PRICKLE2: variants seen among roughly 807,000 people sequenced by gnomAD.
PRICKLE2 encodes prickle-like protein 2.
PRICKLE2 carries 21 observed loss-of-function variants against 81.4 expected under a neutral mutation model. The ratio of observed to expected loss-of-function variants is 0.26; its 90% CI spans 0.18 to 0.37. PRICKLE2 has a LOEUF of 0.37. Ranked by LOEUF, PRICKLE2 falls within the 10% of genes least tolerant of loss-of-function variation. PRICKLE2 has a pLI of 1.00. For synonymous variants in PRICKLE2, 456 were observed against 421.5 expected, an observed-to-expected ratio of 1.08 and a Z score of -1.00; for missense variants, 940 against 1,109.0, an observed-to-expected ratio of 0.85 and a Z score of 2.16.
chr3:64,166,106 A>C (rs1186331232), intron 2 of PRICKLE2, among the ~76,000 whole-genome samples: 1 of 151,914 alleles, frequency 6.6e-6, no homozygotes, highest in Non-Finnish European at 1.5e-5. Context: ...TGATTGTACC[A>C]AGTTTCTGTT....
intron 2 of PRICKLE2, among the ~76,000 whole-genome samples, chr3:64,172,415 G>A (rs1044794005): frequency 6.6e-6 from 1 of 152,220 alleles, no homozygotes; most frequent in Non-Finnish European, 1.5e-5. Context: ...TCTTATAGGG[G>A]TAACTTGTTT....
intron 7 of PRICKLE2, chr3:64,106,201 T>C (rs191850869): frequency 6.6e-6 from 1 of 152,320 alleles, no homozygotes; most frequent in Admixed American, 6.5e-5. Context: ...TCCCTTTCAG[T>C]AGGGTCTTTC....
intron 2 of PRICKLE2, among the ~76,000 whole-genome samples, chr3:64,171,474 G>A (rs753539204): frequency 1.3e-5 from 2 of 152,176 alleles, no homozygotes; most frequent in Non-Finnish European, 2.9e-5. Context: ...CTCTTCATCT[G>A]CTTTTTGTCA....
intron 4 of PRICKLE2, 24 bp from the exon 5 acceptor site, chr3:64,157,389 G>C: frequency 6.2e-7 from 1 of 1,608,454 alleles, no homozygotes; most frequent in African/African-American, 1.3e-5. Context: ...AGAAACATCA[G>C]TAGTCACACT....
chr3:64,218,150 T>C (rs696027), intron 1 of PRICKLE2, among the ~76,000 whole-genome samples: 92,176 of 152,000 alleles, frequency 0.61, 31,002 homozygotes, highest in East Asian at 0.9. Context: ...CCAGAACCCC[T>C]CATTCCCCAG....
At chr3:64,108,725 T>C (rs1022722115) in intron 7 of PRICKLE2, among the ~76,000 whole-genome samples, 1 of 152,140 alleles carries the variant, frequency 6.6e-6, no homozygotes, top group African/African-American at 2.4e-5. Flanking sequence ...ACCAAGATGA[T>C]GGGAGTTTCA....
intron 7 of PRICKLE2, chr3:64,105,942 T>C (rs2076748306): frequency 1.3e-5 from 2 of 152,234 alleles, no homozygotes; most frequent in South Asian, 2.1e-4. Context: ...AAAATATATC[T>C]TTCCTTTTTA....
chr3:64,217,989 GC>G (rs1348733953), intron 1 of PRICKLE2, among the ~76,000 whole-genome samples: 7 of 152,294 alleles, frequency 4.6e-5, no homozygotes, highest in Admixed American at 3.9e-4. Context: ...CTGCATGGCT[GC>G]CACAGCCTGA....
chr3:64,149,694 A>G (rs377202978), intron 6 of PRICKLE2, among the ~76,000 whole-genome samples: 1 of 152,314 alleles, frequency 6.6e-6, no homozygotes, highest in Non-Finnish European at 1.5e-5. Context: ...GAAATTAGGG[A>G]GAAGAAGAGA....
chr3:64,253,354 T>A (rs1021159748), intron 2 of PRICKLE2, among the ~76,000 whole-genome samples: 17 of 152,182 alleles, frequency 1.1e-4, no homozygotes, highest in African/African-American at 4.1e-4. Flanking sequence ...CCTGAGTTCT[T>A]GTTCAAAAGT....
At position 64,153,189 on chromosome 3, in the gene PRICKLE2, T is replaced by C. The variant is rs2077574444; in HGVS notation, c.780A>G (p.Gln260=). The C allele has an allele frequency of 1.2e-6, 2 of 1,614,136 alleles. No homozygotes were observed. The part of the protein sequence containing the change: ...LYAEYCDTCA[Q]HIGIDQGQMT... ...TGCCAAATATTGCCTCACCTATATG[T>C]TGGGCACAGGTGTCACAATATTCTG... Residue 260 remains glutamine (Q), a synonymous_variant, in exon 6 of 8, where the codon CAA becomes CAG. Transcript: ENST00000638394.
intron 1 of PRICKLE2, among the ~76,000 whole-genome samples, chr3:64,208,110 A>G (rs1218443020): frequency 6.6e-6 from 1 of 152,184 alleles, no homozygotes; most frequent in African/African-American, 2.4e-5. Context: ...TTAGGAGGGA[A>G]TTAGGTGTCT....
chr3:64,141,894 G>A (rs2077367804), intron 7 of PRICKLE2: 1 of 984,640 alleles, frequency 1.0e-6, no homozygotes, highest in African/African-American at 1.7e-5. Context: ...TTTATCTGAA[G>A]GATCAAGGTG....
At chr3:64,161,984 T>A (rs1479308601) in intron 3 of PRICKLE2, among the ~76,000 whole-genome samples, 1 of 152,180 alleles carries the variant, frequency 6.6e-6, no homozygotes, top group East Asian at 1.9e-4. Flanking sequence ...GTAAAGAGGA[T>A]CATAGCTCTC....
chr3:64,140,190 AT>A (rs2077339196), intron 7 of PRICKLE2, among the ~76,000 whole-genome samples: 1 of 152,168 alleles, frequency 6.6e-6, no homozygotes, highest in African/African-American at 2.4e-5. Flanking sequence ...CATTTCAAAG[AT>A]GAGGATAGTG....
At chr3:64,234,362 T>C (rs1003674185) in intron 2 of PRICKLE2, among the ~76,000 whole-genome samples, 19 of 152,348 alleles carry the variant, frequency 1.2e-4, no homozygotes, top group African/African-American at 4.1e-4. Flanking sequence ...CTAGTGGGTA[T>C]GAAGTAATAC....
intron 1 of PRICKLE2, among the ~76,000 whole-genome samples, chr3:64,211,754 G>T (rs1365482829): frequency 6.6e-6 from 1 of 152,218 alleles, no homozygotes; most frequent in Admixed American, 6.5e-5. Context: ...TCATTAATGT[G>T]TTAGCCACTG....
intron 7 of PRICKLE2, among the ~76,000 whole-genome samples, chr3:64,124,478 A>G (rs186929181): frequency 6.6e-6 from 1 of 152,350 alleles, no homozygotes; most frequent in East Asian, 1.9e-4. Flanking sequence ...ACCATCTAGT[A>G]CCTTACTAGC....
rs2107154192 is a variant in PRICKLE2, at chr3:64,225,171, C to T, written c.-302G>A. ...ATCCAGACTCTGCTGGGGAATTCAC[C>T]AAGCAAGAGAAAAAAAGTATGACTT... On this transcript the variant is annotated 5_prime_UTR_variant, in exon 1 of 8. Transcript: ENST00000638394. The T allele has an allele frequency of 1.0e-6, 1 of 985,358 alleles. No individual in the cohort carries two copies. Among genetic ancestry groups the T allele is most frequent in the East Asian group, 1.1e-4 (1 of 8,794 alleles). The allele number at this position is 985,358 out of a possible 1,614,324, so 61.0% of individuals were successfully genotyped here.
Sources: gnomAD v4.1 joint callset for allele counts (sites outside exome capture counted in the v4.1 genomes callset) on GRCh38, gnomAD v4.1.1 for gene constraint, MANE v1.5 for transcripts, NCBI Gene and HGNC (gene_info 2026-07-23, HGNC 2026-07-21) for gene names.